The following ADAMTS17 variants were observed in gnomAD, a reference collection of about 807,000 sequenced individuals.
ADAMTS17 encodes the protein ADAM metallopeptidase with thrombospondin type 1 motif 17.
A neutral mutation model predicts 141.5 loss-of-function variants in ADAMTS17; 113 were observed. The observed-to-expected ratio is 0.80, with a 90% CI of 0.69 to 0.93. The LOEUF (loss-of-function observed/expected upper bound fraction) is 0.93, where lower values mean the gene tolerates loss of function less well. Ranked by LOEUF, ADAMTS17 falls within the 40% of genes least tolerant of loss-of-function variation. The probability of loss-of-function intolerance (pLI) is 0.00; values close to 1 mark genes in which losing one functional copy is unlikely to be tolerated. For missense variants in ADAMTS17, 1,659 were observed against 1,517.9 expected (o/e 1.09, Z -1.54); for synonymous variants, 768 against 630.6 (o/e 1.22, Z -3.27).
chr15:100,292,202 G>A (rs1013542328), intron 3 of ADAMTS17, among the ~76,000 whole-genome samples: 3 of 149,942 alleles, frequency 2.0e-5, no homozygotes, highest in Non-Finnish European at 3.0e-5. Context: ...GGGGAATCAC[G>A]AGACACGCTC....
At chr15:100,165,818 G>A (rs74037526) in intron 8 of ADAMTS17, among the ~76,000 whole-genome samples, 3,195 of 152,248 alleles carry the variant, frequency 0.021, 129 homozygotes, top group East Asian at 0.17. Flanking sequence ...ATGTTAAGAA[G>A]AACCTCTGCC....
At chr15:100,130,078 T>C (rs573163374) in intron 12 of ADAMTS17, among the ~76,000 whole-genome samples, 1 of 152,192 alleles carries the variant, frequency 6.6e-6, no homozygotes, top group East Asian at 1.9e-4. Flanking sequence ...AAGAAGTCAT[T>C]CCTGGATTGG....
intron 7 of ADAMTS17, among the ~76,000 whole-genome samples, chr15:100,216,125 C>T (rs923484308): frequency 2.6e-5 from 4 of 152,166 alleles, no homozygotes; most frequent in African/African-American, 4.8e-5. Flanking sequence ...GTTTCATCTC[C>T]CCAAGCCTTG....
intron 3 of ADAMTS17, among the ~76,000 whole-genome samples, chr15:100,329,755 A>T (rs2045994760): frequency 6.6e-6 from 1 of 152,176 alleles, no homozygotes; most frequent in Non-Finnish European, 1.5e-5. Flanking sequence ...ATCACCTCTA[A>T]TACTCACCTT....
intron 12 of ADAMTS17, among the ~76,000 whole-genome samples, chr15:100,119,078 A>C (rs1304967023): frequency 6.6e-6 from 1 of 152,170 alleles, no homozygotes; most frequent in Non-Finnish European, 1.5e-5. Context: ...AGGCAGAGAG[A>C]CACACAAAGA....
chr15:100,156,450 G>A (rs1204150205), intron 8 of ADAMTS17, among the ~76,000 whole-genome samples: 1 of 152,202 alleles, frequency 6.6e-6, no homozygotes, highest in Non-Finnish European at 1.5e-5. Context: ...TGGAGGATCC[G>A]CTGCCTGGCG....
chr15:100,282,079 A>AT (rs2044304229), intron 3 of ADAMTS17, among the ~76,000 whole-genome samples: 2 of 152,224 alleles, frequency 1.3e-5, no homozygotes. Context: ...TTACTTTGAT[A>AT]AACAGCTACT....
At chr15:100,019,967 G>T (rs1313883391) in intron 18 of ADAMTS17, among the ~76,000 whole-genome samples, 1 of 149,644 alleles carries the variant, frequency 6.7e-6, no homozygotes, top group Non-Finnish European at 1.5e-5. Flanking sequence ...TAACTTAACA[G>T]GTTAGCCCCA....
intron 7 of ADAMTS17, among the ~76,000 whole-genome samples, chr15:100,214,166 T>C (rs1596295108): frequency 6.6e-6 from 1 of 152,290 alleles, no homozygotes; most frequent in South Asian, 2.1e-4. Flanking sequence ...TCCCTGGATT[T>C]TCCCCAACCC....
intron 3 of ADAMTS17, among the ~76,000 whole-genome samples, chr15:100,310,902 T>C (rs550294143): frequency 1.3e-5 from 2 of 152,314 alleles, no homozygotes; most frequent in East Asian, 1.9e-4. Flanking sequence ...GTCGTGCACA[T>C]GAAATTGCCT....
rs77763739 is a variant in ADAMTS17, at chr15:99,993,692, A to G, written c.2797-492T>C. On this transcript the variant is annotated intron_variant, in intron 19 of 21. Transcript: ENST00000268070. This position sits in a 1 kb window ranked among gnomAD's most constrained non-coding sequence, Gnocchi z 4.3. ...ACAAACTCCTCGATCCAGCCGGGAG[A>G]AGGAGGAGGAGGCGGCAGAAGGAAG... 0.035 allele frequency among the ~76,000 whole-genome samples: 5,375 copies of G among 152,110 alleles called. 323 individuals are homozygous for G. Among genetic ancestry groups the G allele is most frequent in the African/African-American group, 0.12 (5,019 of 41,434 alleles).
In ADAMTS17 at chr15:100,051,817, G is replaced by T. The variant is rs995445153; in HGVS notation, c.2296-86C>A. 9.7e-6 allele frequency: 15 copies of T among 1,552,544 alleles called. No homozygotes were observed. In the South Asian group the frequency reaches 1.7e-4, roughly 17 times the overall value. On this transcript the variant is annotated intron_variant, in intron 16 of 21. Transcript: ENST00000268070. ...GAATCTGCACACACAGGCACACTGCGGCTGTTTCTTTATGAGGGGTAACCA... is the reference window on the plus strand; with the variant it reads ...GAATCTGCACACACAGGCACACTGCTGCTGTTTCTTTATGAGGGGTAACCA...
chr15:100,159,018 G>A (rs556320226), intron 8 of ADAMTS17, among the ~76,000 whole-genome samples: 1 of 152,186 alleles, frequency 6.6e-6, no homozygotes, highest in Non-Finnish European at 1.5e-5. Flanking sequence ...CATGGCGTTG[G>A]TAAGAATGCA....
At chr15:100,106,911 C>T (rs926507529) in intron 14 of ADAMTS17, among the ~76,000 whole-genome samples, 6 of 152,348 alleles carry the variant, frequency 3.9e-5, no homozygotes, top group Middle Eastern at 3.4e-3. Flanking sequence ...TACAAGAAAG[C>T]AGCCAGGAGG....
chr15:100,205,795 A>G (rs1007879247), intron 7 of ADAMTS17, among the ~76,000 whole-genome samples: 2 of 152,332 alleles, frequency 1.3e-5, no homozygotes, highest in Non-Finnish European at 2.9e-5. Context: ...CCTCCAGGCC[A>G]TTTCAGCAAA....
In ADAMTS17 at chr15:99,998,662, G is replaced by A. The variant is rs144151528; in HGVS notation, c.2592-1073C>T. Among the ~76,000 whole-genome samples the A allele has an allele frequency of 4.1e-3, 621 of 152,242 alleles. 2 individuals carry two copies. The highest frequency in any genetic ancestry group is 0.013 in the African/African-American group (560 of 41,548). ...TCCCTGCCTGATAGCCTGATGATCC[G>A]ATGCATTAGGCATCTCTGTTGGCCT... On this transcript the variant is annotated intron_variant, in intron 18 of 21. Transcript: ENST00000268070.
intron 8 of ADAMTS17, among the ~76,000 whole-genome samples, chr15:100,165,907 G>C (rs1420719620): frequency 6.6e-6 from 1 of 151,692 alleles, no homozygotes; most frequent in Admixed American, 6.6e-5. Flanking sequence ...TTTTTTTCCA[G>C]AATGGCCTTG....
intron 10 of ADAMTS17, among the ~76,000 whole-genome samples, chr15:100,151,891 G>C (rs1596569458): frequency 6.6e-6 from 1 of 152,210 alleles, no homozygotes; most frequent in East Asian, 1.9e-4. Context: ...TTTGCATCAT[G>C]GTGAAAACGT....
intron 7 of ADAMTS17, among the ~76,000 whole-genome samples, chr15:100,209,260 G>A (rs77332337): frequency 0.14 from 20,717 of 152,062 alleles, 1,598 homozygotes; most frequent in Non-Finnish European, 0.17. Flanking sequence ...ACAAGGGTAA[G>A]CTCTTTCAAT....
Sources: gnomAD v4.1 joint callset for allele counts (sites outside exome capture counted in the v4.1 genomes callset) on GRCh38, gnomAD v4.1.1 for gene constraint, Gnocchi (gnomAD v3.1) non-coding constraint, MANE v1.5 for transcripts, NCBI Gene and HGNC (gene_info 2026-07-23, HGNC 2026-07-21) for gene names.